Variants in CFAP61 observed in about 807,000 individuals in gnomAD.
CFAP61 encodes the protein cilia- and flagella-associated protein 61.
A neutral mutation model predicts 135.6 loss-of-function variants in CFAP61; 107 were observed. The ratio of observed to expected loss-of-function variants is 0.79; its 90% CI spans 0.67 to 0.93. The LOEUF (loss-of-function observed/expected upper bound fraction) is 0.93, where lower values mean the gene tolerates loss of function less well. CFAP61 is among the 40% of genes least tolerant of loss of function. The pLI is 0.00. For missense variants in CFAP61, 1,507 were observed against 1,556.2 expected (o/e 0.97, Z 0.53); for synonymous variants, 575 against 578.5 (o/e 0.99, Z 0.09).
At chr20:20,337,294 A>ATGGGTGGG (rs1343584128) in intron 25 of CFAP61, among the ~76,000 whole-genome samples, 2 of 57,600 alleles carry the variant, frequency 3.5e-5, no homozygotes, top group African/African-American at 6.1e-5. Flanking sequence ...GGATGGATAG[A>ATGGGTGGG]TGGATGGATG....
intron 19 of CFAP61, among the ~76,000 whole-genome samples, chr20:20,249,772 T>G (rs532391220): frequency 6.6e-6 from 1 of 152,216 alleles, no homozygotes; most frequent in African/African-American, 2.4e-5. Context: ...AAATTTCCCC[T>G]GAGAGCCTTT....
rs1192533736 is a variant in CFAP61, at chr20:20,246,126, G to A, written c.2070G>A (p.Met690Ile). Residue 690 changes from methionine (M) to isoleucine (I), a missense_variant, in exon 19 of 27, where the codon ATG becomes ATA. By Grantham distance (10) the Met-to-Ile change is conservative (BLOSUM62 1). Transcript: ENST00000245957. ...TTTTCTTTTTCTTTAGCTCTCACAT[G>A]AAGTTTAATAATCTTACCCTGATTT... ...FLETLVFCSHMKFNNLTLIST... is the reference protein window; with the variant it reads ...FLETLVFCSHIKFNNLTLIST... 1.2e-6 allele frequency: 2 copies of A among 1,605,724 alleles called. No individual in the cohort carries two copies. The highest frequency in any genetic ancestry group is 1.7e-6 in the Non-Finnish European group (2 of 1,173,844).
chr20:20,161,499 G>A lies in CFAP61; in HGVS notation c.1026+2055G>A, dbSNP rs148142257. On this transcript the variant is annotated intron_variant, in intron 10 of 26. Coordinates refer to ENST00000245957, the MANE Select transcript of CFAP61 (RefSeq NM_015585.4). ...AAAAATCAATGGAAGAGTTTACATT[G>A]GCTTAGCACAGCTGAGGAAGGTGAA... Among the ~76,000 whole-genome samples, 37 of 152,324 alleles carry A rather than the reference G, an allele frequency of 2.4e-4. No individual in the cohort carries two copies. In the East Asian group the frequency reaches 6.7e-3, roughly 28 times the overall value.
intron 17 of CFAP61, among the ~76,000 whole-genome samples, chr20:20,202,054 G>T (rs576627592): frequency 1.3e-5 from 2 of 151,330 alleles, no homozygotes; most frequent in South Asian, 2.1e-4. Flanking sequence ...AAGCCAGAGA[G>T]AACATTTTAT....
In CFAP61 at chr20:20,075,499, C is replaced by A. The variant is rs1262695269; in HGVS notation, c.450C>A (p.Leu150=). The change falls in exon 6 of 27, where the codon CTC becomes CTA. Residue 150 remains leucine, a synonymous_variant. Transcript: ENST00000245957. ...VPSYMSLGST[L]ITVFDQVGNI... Reference sequence around the variant, plus strand: ...ATCTCTGTGATTTAGGCTCAACTCTCATAACTGTTTTTGACCAAGTGGGGA... The same window carrying A: ...ATCTCTGTGATTTAGGCTCAACTCTAATAACTGTTTTTGACCAAGTGGGGA... The A allele has an allele frequency of 1.2e-6, 2 of 1,614,066 alleles. No homozygotes were observed. The highest frequency in any genetic ancestry group is 1.1e-5 in the South Asian group (1 of 91,074).
At position 20,159,384 on chromosome 20, in the gene CFAP61, A is replaced by G; in HGVS notation, c.966A>G (p.Arg322=). 1.2e-6 allele frequency: 2 copies of G among 1,613,918 alleles called. No individual in the cohort carries two copies. The highest frequency in any genetic ancestry group is 1.3e-5 in the African/African-American group (1 of 75,042). ...ATCATTTCCAGGGAAATATTGCCAG[A>G]GAAGCTGCATCCGAGGAAGCTTTAA... ...TMENIQGNIA[R]EAASEEALTA... The change falls in exon 10 of 27, where the codon AGA becomes AGG. Residue 322 remains arginine, a synonymous_variant. Transcript: ENST00000245957.
In CFAP61 at chr20:20,228,261, T is replaced by C; in HGVS notation, c.1945T>C (p.Leu649=). ...ATTTTTTTTCCAGATGAGTTATGCT[T>C]TAAACCATACAAACAGAAAACTAAC... The part of the protein sequence containing the change: ...AVSKDPMSYA[L]NHTNRKLTLE... The change falls in exon 18 of 27, where the codon TTA becomes CTA. Residue 649 remains leucine (L), a synonymous_variant. Coordinates refer to ENST00000245957, the MANE Select transcript of CFAP61 (RefSeq NM_015585.4). 5 of 1,609,420 alleles carry C rather than the reference T, an allele frequency of 3.1e-6. No individual in the cohort carries two copies. The highest frequency in any genetic ancestry group is 4.3e-6 in the Non-Finnish European group (5 of 1,176,192).
At chr20:20,119,016 G>A (rs1019418803) in intron 8 of CFAP61, among the ~76,000 whole-genome samples, 5 of 152,002 alleles carry the variant, frequency 3.3e-5, no homozygotes, top group Admixed American at 6.6e-5. Context: ...ATGGAATTTG[G>A]TTTGCTAGTG....
chr20:20,127,914 T>C (rs915831409), intron 8 of CFAP61, among the ~76,000 whole-genome samples: 1 of 151,476 alleles, frequency 6.6e-6, no homozygotes, highest in African/African-American at 2.4e-5. Flanking sequence ...TGGAGTTGTG[T>C]ACCTAGGAGG....
At chr20:20,222,972 T>G (rs1197732356) in intron 17 of CFAP61, among the ~76,000 whole-genome samples, 2 of 152,240 alleles carry the variant, frequency 1.3e-5, no homozygotes, top group African/African-American at 2.4e-5. Flanking sequence ...ATTTTATTCC[T>G]AATGGGTTTG....
intron 25 of CFAP61, among the ~76,000 whole-genome samples, chr20:20,309,882 A>G (rs548130462): frequency 1.3e-5 from 2 of 152,220 alleles, no homozygotes; most frequent in South Asian, 2.1e-4. Flanking sequence ...AAGCACACGC[A>G]TGGGTGCCCT....
chr20:20,159,557 A>G, intron 10 of CFAP61, 113 bp downstream of exon 10: 2 of 797,360 alleles, frequency 2.5e-6, no homozygotes, highest in Non-Finnish European at 4.3e-6. Flanking sequence ...GCCTGTCTCC[A>G]CCAGTTCACA....
At chr20:20,245,414 G>A (rs142750743) in intron 18 of CFAP61, among the ~76,000 whole-genome samples, 10 of 152,192 alleles carry the variant, frequency 6.6e-5, no homozygotes, top group Non-Finnish European at 1.3e-4. Flanking sequence ...AGCAGGCAAA[G>A]AGAGAGCTTG....
chr20:20,346,244 CTG>C (rs2058630618), intron 26 of CFAP61, among the ~76,000 whole-genome samples: 1 of 147,712 alleles, frequency 6.8e-6, no homozygotes, highest in Non-Finnish European at 1.5e-5. Flanking sequence ...GAGCAAAACT[CTG>C]TGGCTTATGC....
At chr20:20,054,013 G>GTTTTTTTTTTTTTTTTTTT (rs1239349657) in intron 1 of CFAP61, among the ~76,000 whole-genome samples, 21 of 59,014 alleles carry the variant, frequency 3.6e-4, no homozygotes, top group African/African-American at 5.0e-4. Flanking sequence ...TTTTTTGTTT[G>GTTTTTTTTTTTTTTTTTTT]TTTTTTTTTT....
At chr20:20,341,147 C>T (rs576784330) in intron 25 of CFAP61, among the ~76,000 whole-genome samples, 2 of 152,272 alleles carry the variant, frequency 1.3e-5, no homozygotes, top group Non-Finnish European at 2.9e-5. Context: ...GACCCTGAAG[C>T]AGTTAAGTTC....
chr20:20,203,116 G>A (rs926439162), intron 17 of CFAP61, among the ~76,000 whole-genome samples: 48 of 151,994 alleles, frequency 3.2e-4, no homozygotes, highest in Non-Finnish European at 5.4e-4. Flanking sequence ...TCAGTGTCCC[G>A]GCCACAACAC....
intron 8 of CFAP61, among the ~76,000 whole-genome samples, chr20:20,139,485 T>C (rs1223987503): frequency 6.6e-6 from 1 of 152,198 alleles, no homozygotes; most frequent in Non-Finnish European, 1.5e-5. Context: ...AAAATAACAA[T>C]TAAATCGCGC....
intron 13 of CFAP61, among the ~76,000 whole-genome samples, chr20:20,174,943 G>A (rs548193474): frequency 1.9e-4 from 29 of 152,258 alleles, no homozygotes; most frequent in African/African-American, 4.8e-4. Flanking sequence ...CTGTCCCCGC[G>A]TCCCCATGGC....
Sources: allele counts gnomAD v4.1 joint callset (sites outside exome capture counted in the v4.1 genomes callset), GRCh38; gene constraint gnomAD v4.1.1; transcripts MANE v1.5; gene names NCBI Gene and HGNC (gene_info 2026-07-23, HGNC 2026-07-21).